ASAP2: variants seen among roughly 807,000 people sequenced by gnomAD.
ASAP2 encodes the protein ArfGAP with SH3 domain, ankyrin repeat and PH domain 2.
ASAP2 carries 45 observed loss-of-function variants against 131.4 expected under a neutral mutation model. The ratio of observed to expected loss-of-function variants is 0.34; its 90% CI spans 0.27 to 0.44. ASAP2 has a LOEUF of 0.44. Ranked by LOEUF, ASAP2 falls within the 20% of genes least tolerant of loss-of-function variation. The pLI is 1.00. For missense variants in ASAP2, 1,011 were observed against 1,297.0 expected, an observed-to-expected ratio of 0.78 and a Z score of 3.39; for synonymous variants, 510 against 503.0, an observed-to-expected ratio of 1.01 and a Z score of -0.19.
chr2:9,338,732 G>T (rs1251846308), intron 9 of ASAP2, among the ~76,000 whole-genome samples: 1 of 152,224 alleles, frequency 6.6e-6, no homozygotes, highest in Non-Finnish European at 1.5e-5. Context: ...TCTGGGGGTG[G>T]GGACAGAGAA....
chr2:9,403,433 G>T lies in ASAP2; in HGVS notation c.*106G>T. ...ATGAACTGTTTGTATGGCAGCCCATGTTCTCTAATGCCACTGCTCTGTTTT... is the reference window on the plus strand; with the variant it reads ...ATGAACTGTTTGTATGGCAGCCCATTTTCTCTAATGCCACTGCTCTGTTTT... On this transcript the variant is annotated 3_prime_UTR_variant, in exon 28 of 28. Coordinates refer to ENST00000281419, the MANE Select transcript of ASAP2 (RefSeq NM_003887.3). 3.0e-6 allele frequency: 3 copies of T among 988,150 alleles called. No individual in the cohort carries two copies. The highest frequency in any genetic ancestry group is 3.0e-5 in the South Asian group (2 of 66,132). The allele number at this position is 988,150 out of a possible 1,614,324, so 61.2% of individuals were successfully genotyped here. A position where few individuals can be genotyped will look rare whatever the true frequency, so the allele number is the denominator to read the frequency against.
intron 1 of ASAP2, among the ~76,000 whole-genome samples, chr2:9,262,294 T>C (rs969184636): frequency 3.3e-5 from 5 of 152,336 alleles, no homozygotes; most frequent in Admixed American, 2.0e-4. Context: ...TTTGTCGTAA[T>C]GACTGAGACG....
intron 20 of ASAP2, among the ~76,000 whole-genome samples, chr2:9,381,108 C>G (rs1674805574): frequency 6.6e-6 from 1 of 152,246 alleles, no homozygotes; most frequent in Non-Finnish European, 1.5e-5. Context: ...GAGGCCACCA[C>G]AAGGGCCTGC....
intron 1 of ASAP2, among the ~76,000 whole-genome samples, chr2:9,233,542 G>A (rs2148035553): frequency 6.6e-6 from 1 of 152,346 alleles, no homozygotes; most frequent in East Asian, 1.9e-4. Flanking sequence ...GATAAGAAAT[G>A]GTTCATTCCC....
At chr2:9,348,637 G>A (rs1558354325) in intron 11 of ASAP2, among the ~76,000 whole-genome samples, 1 of 152,130 alleles carries the variant, frequency 6.6e-6, no homozygotes, top group Non-Finnish European at 1.5e-5. Flanking sequence ...TCTTATGGTT[G>A]TCATTTTTTA....
intron 7 of ASAP2, among the ~76,000 whole-genome samples, chr2:9,332,127 T>C (rs1272696265): frequency 2.0e-5 from 3 of 152,112 alleles, no homozygotes; most frequent in African/African-American, 7.2e-5. Context: ...CCTTCTAGCC[T>C]GGTGAGGCAG....
At chr2:9,367,550 C>T (rs972416046) in intron 15 of ASAP2, among the ~76,000 whole-genome samples, 2 of 152,046 alleles carry the variant, frequency 1.3e-5, no homozygotes, top group Non-Finnish European at 2.9e-5. Context: ...TGCATGAGCC[C>T]AGGAGTTCGA....
At chr2:9,318,140 C>CCAGCT (rs574809610) in intron 3 of ASAP2, among the ~76,000 whole-genome samples, 2 of 152,164 alleles carry the variant, frequency 1.3e-5, no homozygotes, top group Non-Finnish European at 2.9e-5. Context: ...CCAGTACAGT[C>CCAGCT]CAGCTTATGG....
At chr2:9,225,571 C>T (rs143646720) in intron 1 of ASAP2, among the ~76,000 whole-genome samples, 4 of 152,288 alleles carry the variant, frequency 2.6e-5, no homozygotes, top group Non-Finnish European at 5.9e-5. Context: ...GAGGGCTGAG[C>T]ATGTCAGTTG....
chr2:9,225,731 C>T (rs1662714653), intron 1 of ASAP2, among the ~76,000 whole-genome samples: 2 of 152,014 alleles, frequency 1.3e-5, no homozygotes. Flanking sequence ...GCAGGGAGAC[C>T]AATAGGAAGC....
chr2:9,224,466 A>G (rs1662628523), intron 1 of ASAP2, among the ~76,000 whole-genome samples: 1 of 152,216 alleles, frequency 6.6e-6, no homozygotes, highest in Non-Finnish European at 1.5e-5. Context: ...TTGTGATTTC[A>G]TACCTTTTTC....
intron 6 of ASAP2, among the ~76,000 whole-genome samples, chr2:9,327,544 T>C (rs1156606503): frequency 6.6e-6 from 1 of 152,168 alleles, no homozygotes; most frequent in African/African-American, 2.4e-5. Context: ...TAGTCTTCCA[T>C]GTAGCTAGAG....
chr2:9,323,511 G>A (rs57923271), intron 6 of ASAP2, among the ~76,000 whole-genome samples: 3,093 of 152,288 alleles, frequency 0.02, 110 homozygotes, highest in African/African-American at 0.071. Flanking sequence ...CTGGCTTCAC[G>A]TACGTACTCT....
chr2:9,293,346 CA>C (rs932504207), intron 2 of ASAP2, among the ~76,000 whole-genome samples: 3 of 152,106 alleles, frequency 2.0e-5, no homozygotes, highest in Admixed American at 1.3e-4. Context: ...TCTTATTTTC[CA>C]AAGTCCCTCC....
intron 12 of ASAP2, among the ~76,000 whole-genome samples, chr2:9,354,324 C>T (rs1350216372): frequency 6.6e-6 from 1 of 152,232 alleles, no homozygotes; most frequent in Non-Finnish European, 1.5e-5. Context: ...CGATCGCCCC[C>T]TCTGTCTCCT....
chr2:9,400,249 T>TGCCCCCC (rs1558405904), intron 25 of ASAP2, among the ~76,000 whole-genome samples, 177 bp downstream of exon 25: 1 of 21,844 alleles, frequency 4.6e-5, no homozygotes, highest in African/African-American at 5.5e-4. Context: ...TCCTGCCCCC[T>TGCCCCCC]TCCCCTCCTG....
chr2:9,323,066 C>A, intron 5 of ASAP2, 55 bp from the exon 6 acceptor site: 1 of 1,608,660 alleles, frequency 6.2e-7, no homozygotes, highest in Non-Finnish European at 8.5e-7. Flanking sequence ...TCAAGGCTGT[C>A]CCGTTGAGTT....
chr2:9,400,504 C>T (rs1013310354), intron 25 of ASAP2, among the ~76,000 whole-genome samples: 6 of 150,756 alleles, frequency 4.0e-5, no homozygotes, highest in Non-Finnish European at 1.5e-5. Flanking sequence ...CTGAGCAGCT[C>T]AGTCCTGGGG....
At chr2:9,402,339 G>A (rs1676792367) in intron 27 of ASAP2, among the ~76,000 whole-genome samples, 1 of 152,206 alleles carries the variant, frequency 6.6e-6, no homozygotes, top group African/African-American at 2.4e-5. Context: ...TGGATTGAAA[G>A]TGTCTGTGGC....
Sources: gnomAD v4.1 joint callset for allele counts (sites outside exome capture counted in the v4.1 genomes callset) on GRCh38, gnomAD v4.1.1 for gene constraint, MANE v1.5 for transcripts, NCBI Gene and HGNC (gene_info 2026-07-23, HGNC 2026-07-21) for gene names.